The following GRIN3A variants were observed in gnomAD, a reference collection of about 807,000 sequenced individuals.
GRIN3A encodes glutamate ionotropic receptor NMDA type subunit 3A, also known as glutamate receptor ionotropic, NMDA 3A.
A neutral mutation model predicts 92.4 loss-of-function variants in GRIN3A; 47 were observed. The observed-to-expected ratio is 0.51, with a 90% CI of 0.40 to 0.65. The LOEUF (loss-of-function observed/expected upper bound fraction) is 0.65. GRIN3A is among the 30% of genes least tolerant of loss of function. GRIN3A has a pLI of 0.00. For missense variants in GRIN3A, 1,324 were observed against 1,393.1 expected (o/e 0.95, Z 0.79); for synonymous variants, 527 against 540.6 (o/e 0.97, Z 0.35).
intron 6 of GRIN3A, among the ~76,000 whole-genome samples, chr9:101,595,713 G>T (rs1000044664): frequency 2.0e-5 from 3 of 152,090 alleles, no homozygotes; most frequent in Non-Finnish European, 4.4e-5. Context: ...CTGAATTCAG[G>T]GCGTTTTTCA....
intron 3 of GRIN3A, among the ~76,000 whole-genome samples, chr9:101,666,400 C>T (rs984405807): frequency 9.2e-5 from 14 of 151,838 alleles, no homozygotes; most frequent in African/African-American, 3.4e-4. Flanking sequence ...GAAGGGAAAA[C>T]CAAATACCAC....
intron 1 of GRIN3A, among the ~76,000 whole-genome samples, chr9:101,709,102 T>C (rs1049460866): frequency 9.2e-5 from 14 of 152,168 alleles, no homozygotes; most frequent in African/African-American, 3.1e-4. Flanking sequence ...TCTTTGTTTT[T>C]TTTTTCTTCT....
chr9:101,695,729 G>A (rs10119079), intron 1 of GRIN3A, among the ~76,000 whole-genome samples: 8 of 152,018 alleles, frequency 5.3e-5, no homozygotes, highest in South Asian at 2.1e-4. Context: ...TTGTGCTGAC[G>A]TAATTGATCC....
chr9:101,681,426 A>C (rs1020405409), intron 2 of GRIN3A, among the ~76,000 whole-genome samples: 2 of 152,250 alleles, frequency 1.3e-5, no homozygotes, highest in Non-Finnish European at 2.9e-5. Flanking sequence ...TTAGCTTGGC[A>C]TACAAACTCT....
chr9:101,704,376 G>C (rs959739193), intron 1 of GRIN3A, among the ~76,000 whole-genome samples: 2 of 152,082 alleles, frequency 1.3e-5, no homozygotes, highest in African/African-American at 4.8e-5. Context: ...ATATATTTTA[G>C]ATTTATTTAT....
At chr9:101,614,193 A>G (rs1316259479) in intron 5 of GRIN3A, among the ~76,000 whole-genome samples, 1 of 152,336 alleles carries the variant, frequency 6.6e-6, no homozygotes, top group Middle Eastern at 3.4e-3. Flanking sequence ...CATTTTGGAA[A>G]GCAGTTTGGT....
intron 2 of GRIN3A, among the ~76,000 whole-genome samples, chr9:101,682,715 G>A (rs1017067204): frequency 2.5e-4 from 38 of 152,254 alleles, no homozygotes; most frequent in African/African-American, 8.9e-4. Context: ...GGGCGTGGTG[G>A]CTCACGCCTG....
chr9:101,612,355 A>C (rs1334130571), intron 6 of GRIN3A, among the ~76,000 whole-genome samples: 3 of 152,228 alleles, frequency 2.0e-5, no homozygotes, highest in Non-Finnish European at 2.9e-5. Context: ...CTAGATGGCC[A>C]GAGGAGCCAT....
In GRIN3A at chr9:101,657,301, A is replaced by G. The variant is rs1484056454; in HGVS notation, c.2352+12759T>C. 2.0e-5 allele frequency among the ~76,000 whole-genome samples: 3 copies of G among 151,978 alleles called. No homozygotes were observed. In the East Asian group the frequency reaches 5.8e-4, roughly 30 times the overall value. ...TTATGTGGAATTTTATTATAGATTC[A>G]TATTTTGTACAAACTACTTTTTAAT... On this transcript the variant is annotated intron_variant, in intron 3 of 8. Coordinates refer to ENST00000361820, the MANE Select transcript of GRIN3A (RefSeq NM_133445.3).
At chr9:101,702,001 C>T (rs1246464622) in intron 1 of GRIN3A, among the ~76,000 whole-genome samples, 1 of 151,720 alleles carries the variant, frequency 6.6e-6, no homozygotes, top group Non-Finnish European at 1.5e-5. Flanking sequence ...TTTGTGTATA[C>T]TTAAAATCTT....
Position 101,627,746 on chromosome 9 carries a change from GAGA to G in GRIN3A, c.2498+507_2498+509del, listed in dbSNP as rs1828653573. Among the ~76,000 whole-genome samples the G allele has an allele frequency of 2.0e-5, 3 of 152,270 alleles. No homozygotes were observed. In the South Asian group the frequency reaches 6.2e-4, roughly 32 times the overall value. Reference sequence around the variant, plus strand: ...ATGATTGCTTCTCATAAATTCTGATGAGAAGAATGCAGGCATGGGAATCATTGT... The same window carrying G: ...ATGATTGCTTCTCATAAATTCTGATGAGAATGCAGGCATGGGAATCATTGT... On this transcript the variant is annotated intron_variant, in intron 4 of 8. Coordinates refer to ENST00000361820, the MANE Select transcript of GRIN3A (RefSeq NM_133445.3).
chr9:101,697,936 G>A lies in GRIN3A; in HGVS notation c.700-10736C>T, dbSNP rs528291302. On this transcript the variant is annotated intron_variant, in intron 1 of 8. Coordinates refer to ENST00000361820, the MANE Select transcript of GRIN3A (RefSeq NM_133445.3). ...TAATTTTACCTCCTGAATTTTAAAGGAAAGATTCTGGCTTAGCTAAAACAT... is the reference window on the plus strand; with the variant it reads ...TAATTTTACCTCCTGAATTTTAAAGAAAAGATTCTGGCTTAGCTAAAACAT... 7.9e-5 allele frequency among the ~76,000 whole-genome samples: 12 copies of A among 152,178 alleles called. No homozygotes were observed. The South Asian group carries it at 2.5e-3, about 32-fold the overall frequency.
chr9:101,581,967 A>T (rs1036132767), intron 6 of GRIN3A, among the ~76,000 whole-genome samples: 7 of 152,236 alleles, frequency 4.6e-5, no homozygotes, highest in Non-Finnish European at 8.8e-5. Flanking sequence ...CCATTTTATA[A>T]GTGAAGAAAC....
chr9:101,647,469 T>C (rs1828952590), intron 3 of GRIN3A, among the ~76,000 whole-genome samples: 1 of 151,878 alleles, frequency 6.6e-6, no homozygotes, highest in Admixed American at 6.6e-5. Context: ...CTTTTTTTTG[T>C]GTCTTTGTCT....
At chr9:101,602,020 G>C (rs1244373459) in intron 6 of GRIN3A, among the ~76,000 whole-genome samples, 3 of 152,192 alleles carry the variant, frequency 2.0e-5, no homozygotes. Flanking sequence ...AAGGAGCTCA[G>C]AGGAGGCCCC....
At chr9:101,615,982 T>C (rs1828446524) in intron 5 of GRIN3A, among the ~76,000 whole-genome samples, 2 of 152,212 alleles carry the variant, frequency 1.3e-5, no homozygotes, top group South Asian at 4.1e-4. Context: ...ATCTCAGTTG[T>C]AATGAAATAA....
intron 3 of GRIN3A, among the ~76,000 whole-genome samples, chr9:101,647,952 TTTG>T (rs775270507): frequency 1.2e-4 from 18 of 151,980 alleles, no homozygotes; most frequent in Admixed American, 5.3e-4. Context: ...TTGTTGATCT[TTTG>T]TATTTTATTT....
chr9:101,573,527 A>G lies in GRIN3A; in HGVS notation c.3009-14T>C. ...CCCACATTAGACCTAGGAAACAGAG[A>G]AATTTTAGATTTACTTTCCATTCTG... is the stretch of plus-strand genomic sequence containing the variant. On this transcript the variant is annotated splice_polypyrimidine_tract_variant and intron_variant, in intron 8 of 8. Transcript: ENST00000361820. 1.9e-6 allele frequency: 3 copies of G among 1,599,994 alleles called. No individual in the cohort carries two copies. Among genetic ancestry groups the G allele is most frequent in the Non-Finnish European group, 2.6e-6 (3 of 1,167,356 alleles).
At chr9:101,677,829 G>A (rs907077922) in intron 2 of GRIN3A, among the ~76,000 whole-genome samples, 9 of 152,186 alleles carry the variant, frequency 5.9e-5, no homozygotes, top group Non-Finnish European at 1.0e-4. Flanking sequence ...TTAAATGTGC[G>A]TGATTTCTTG....
Sources: allele counts gnomAD v4.1 joint callset (sites outside exome capture counted in the v4.1 genomes callset), GRCh38; gene constraint gnomAD v4.1.1; transcripts MANE v1.5; gene names NCBI Gene and HGNC (gene_info 2026-07-23, HGNC 2026-07-21).